The following SDK2 variants were observed in gnomAD, a reference collection of about 807,000 sequenced individuals.
SDK2 encodes the protein sidekick cell adhesion molecule 2, also known as protein sidekick-2.
In SDK2, 105 loss-of-function variants were observed where a neutral mutation model predicts 253.9. The observed-to-expected ratio is 0.41, with a 90% confidence interval of 0.35 to 0.49. The LOEUF (loss-of-function observed/expected upper bound fraction) is 0.49. SDK2 is among the 20% of genes least tolerant of loss of function. The pLI, the probability that SDK2 is intolerant of heterozygous loss-of-function variation, is 0.06. For synonymous variants in SDK2, 1,249 were observed against 1,234.9 expected, an observed-to-expected ratio of 1.01 and a Z score of -0.24; for missense variants, 2,608 against 3,003.0, an observed-to-expected ratio of 0.87 and a Z score of 3.07.
At position 73,395,919 on chromosome 17, in the gene SDK2, TTTC is replaced by T. The variant is rs141649010; in HGVS notation, c.3355-530_3355-528del. On this transcript the variant is annotated intron_variant, in intron 24 of 44. Coordinates refer to ENST00000392650, the MANE Select transcript of SDK2 (RefSeq NM_001144952.2). This position sits in a 1 kb window ranked among gnomAD's most constrained non-coding sequence, Gnocchi z 4.3. ...GCTGCATTTTCAGCCTCCTTTTTCT[TTTC>T]TTTTTTTTTTTTAAGACAGGGTCTG... 6.9e-3 allele frequency among the ~76,000 whole-genome samples: 1,041 copies of T among 151,150 alleles called. 9 individuals carry two copies. Among genetic ancestry groups the T allele is most frequent in the African/African-American group, 0.025 (998 of 40,658 alleles).
chr17:73,417,304 T>A (rs912361330), intron 16 of SDK2, among the ~76,000 whole-genome samples: 2 of 146,842 alleles, frequency 1.4e-5, no homozygotes, highest in African/African-American at 5.0e-5. Context: ...TACTCGGGAG[T>A]CTGAGGCAGG....
At chr17:73,402,241 G>A in intron 18 of SDK2, 100 bp from the exon 19 acceptor site, 1 of 1,287,474 alleles carries the variant, frequency 7.8e-7, no homozygotes, top group Non-Finnish European at 1.1e-6. Flanking sequence ...GGTGTCCGGG[G>A]ACCGGAGTCC....
At chr17:73,365,451 C>G in intron 37 of SDK2, 56 bp from the exon 38 acceptor site, 1 of 1,518,006 alleles carries the variant, frequency 6.6e-7, no homozygotes, top group African/African-American at 1.4e-5. Context: ...TTCAAAGCCT[C>G]GGGTTCAGCT....
At position 73,480,042 on chromosome 17, in the gene SDK2, T is replaced by C. The variant is rs954742126; in HGVS notation, c.225-7824A>G. Among the ~76,000 whole-genome samples, 9 of 152,302 alleles carry C rather than the reference T, an allele frequency of 5.9e-5. No individual in the cohort carries two copies. In the South Asian group the frequency reaches 1.0e-3, roughly 18 times the overall value. On this transcript the variant is annotated intron_variant, in intron 2 of 44. Coordinates refer to ENST00000392650, the MANE Select transcript of SDK2 (RefSeq NM_001144952.2). ...CCCAGGTATTAAGCCTAGTACCCAATAGTTATTTTTTTCTGCTCCTCTCCC... is the reference window on the plus strand; with the variant it reads ...CCCAGGTATTAAGCCTAGTACCCAACAGTTATTTTTTTCTGCTCCTCTCCC...
intron 44 of SDK2, 137 bp from the exon 45 acceptor site, chr17:73,339,077 C>A (rs1277159608): frequency 3.9e-6 from 3 of 762,424 alleles, no homozygotes; most frequent in South Asian, 1.6e-5. Flanking sequence ...GGCCTCCCAG[C>A]CCCCTCACTG....
At chr17:73,572,219 T>A (rs981248370) in intron 1 of SDK2, among the ~76,000 whole-genome samples, 3 of 152,170 alleles carry the variant, frequency 2.0e-5, no homozygotes, top group African/African-American at 4.8e-5. Context: ...GTGGTTGTCC[T>A]CATCTAAGTG....
chr17:73,512,252 C>G (rs1325673955), intron 1 of SDK2, among the ~76,000 whole-genome samples: 1 of 152,128 alleles, frequency 6.6e-6, no homozygotes, highest in Non-Finnish European at 1.5e-5. Context: ...GTGCTTAGAA[C>G]AGAGCCTGGC....
At chr17:73,355,174 A>ATATATTTTT in intron 40 of SDK2, among the ~76,000 whole-genome samples, 1 of 47,224 alleles carries the variant, frequency 2.1e-5, no homozygotes, top group African/African-American at 1.6e-4. Context: ...ATATATATAT[A>ATATATTTTT]TTTTTTTTTT....
intron 1 of SDK2, among the ~76,000 whole-genome samples, chr17:73,588,387 CAAAAAAAAAAA>C (rs1215654213): frequency 7.8e-4 from 46 of 59,026 alleles, no homozygotes; most frequent in Non-Finnish European, 1.3e-3. Context: ...AACTCCATCT[CAAAAAAAAAAA>C]AAAAAAAAAA....
chr17:73,387,803 C>G, intron 30 of SDK2, 33 bp downstream of exon 30: 1 of 1,509,770 alleles, frequency 6.6e-7, no homozygotes, highest in Non-Finnish European at 8.9e-7. Context: ...GGGAGAGGGG[C>G]AGTGGGGATG....
intron 37 of SDK2, 77 bp from the exon 38 acceptor site, chr17:73,365,472 A>G: frequency 6.9e-7 from 1 of 1,443,314 alleles, no homozygotes; most frequent in Non-Finnish European, 9.3e-7. Flanking sequence ...CCAAGGAGCT[A>G]GCGGGAGTAT....
At position 73,455,930 on chromosome 17, in the gene SDK2, C is replaced by T. The variant is rs2063522762; in HGVS notation, c.455G>A (p.Arg152His). 6 of 1,544,824 alleles carry T rather than the reference C, an allele frequency of 3.9e-6. No homozygotes were observed. Among genetic ancestry groups the T allele is most frequent in the African/African-American group, 1.4e-5 (1 of 72,934 alleles). ...CATGCGGCTGCTGGGCGGGATCTTG[C>T]GGCCGTCCCGGAACCAGGTCACCTG... ...QPQVTWFRDG[R>H]KIPPSSRIAI... Residue 152 changes from arginine (R) to histidine (H), a missense_variant, in exon 4 of 45, where the codon CGC (arginine) becomes CAC (histidine). By Grantham distance (29) the Arg-to-His change is conservative. Around this residue, in one of 2 missense-constraint regions of SDK2, gnomAD observed 1,505 missense variants for 1,859.1 expected, o/e 0.81. Coordinates refer to ENST00000392650, the MANE Select transcript of SDK2 (RefSeq NM_001144952.2). This position sits in a 1 kb window ranked among gnomAD's most constrained non-coding sequence, Gnocchi z 5.0.
intron 33 of SDK2, among the ~76,000 whole-genome samples, chr17:73,382,464 C>T (rs538736609): frequency 1.3e-5 from 2 of 152,250 alleles, no homozygotes; most frequent in Admixed American, 1.3e-4. Flanking sequence ...CACTTCAGAC[C>T]CAAACAAGCC....
intron 1 of SDK2, among the ~76,000 whole-genome samples, chr17:73,585,382 C>T (rs777907053): frequency 1.3e-5 from 2 of 152,242 alleles, no homozygotes; most frequent in Non-Finnish European, 2.9e-5. Context: ...GGAGCTCTTT[C>T]TGGGCCTCAG....
Position 73,435,202 on chromosome 17 carries a change from TG to T in SDK2, c.1195+247del, listed in dbSNP as rs1358325671. ...TTCTCAAAAAGCCGTGAACGCAACC[TG>T]GGCCCCAGGACATTGGAGAGAACTT... On this transcript the variant is annotated intron_variant, in intron 9 of 44. Coordinates refer to ENST00000392650, the MANE Select transcript of SDK2 (RefSeq NM_001144952.2). This position sits in a 1 kb window ranked among gnomAD's most constrained non-coding sequence, Gnocchi z 5.7. Among the ~76,000 whole-genome samples the T allele has an allele frequency of 6.6e-6, 1 of 152,220 alleles. No individual in the cohort carries two copies. The highest frequency in any genetic ancestry group is 2.4e-5 in the African/African-American group (1 of 41,460).
rs1188992629 is a variant in SDK2, at chr17:73,511,618, C to T, written c.65-4021G>A. ...CCTGGGCTGGGGGCTCCACATCCCT[C>T]GCCTCCTGTGGTCCTCACAAGGTTC... On this transcript the variant is annotated intron_variant, in intron 1 of 44. Coordinates refer to ENST00000392650, the MANE Select transcript of SDK2 (RefSeq NM_001144952.2). The surrounding 1 kb of genome is among the most constrained non-coding windows in gnomAD (Gnocchi z 4.9). Among the ~76,000 whole-genome samples the T allele has an allele frequency of 1.3e-5, 2 of 152,150 alleles. No homozygotes were observed. Among genetic ancestry groups the T allele is most frequent in the Non-Finnish European group, 2.9e-5 (2 of 68,006 alleles).
At chr17:73,531,953 G>A (rs890348591) in intron 1 of SDK2, among the ~76,000 whole-genome samples, 5 of 152,152 alleles carry the variant, frequency 3.3e-5, no homozygotes, top group Non-Finnish European at 7.3e-5. Context: ...AGTGGCTGAG[G>A]TGCCTGTACC....
Position 73,437,723 on chromosome 17 carries a change from G to A in SDK2, c.1000+16C>T, listed in dbSNP as rs776467864. 1.9e-5 allele frequency: 30 copies of A among 1,606,522 alleles called. No homozygotes were observed. The highest frequency in any genetic ancestry group is 4.5e-5 in the East Asian group (2 of 44,874). On this transcript the variant is annotated intron_variant, in intron 8 of 44. Coordinates refer to ENST00000392650, the MANE Select transcript of SDK2 (RefSeq NM_001144952.2). ...TCTGGGGTCTTTGTCCCCCTCCAGC[G>A]GTGCCACCTCATTACCTTTGGCCTG...
chr17:73,403,087 C>T (rs540537220), intron 18 of SDK2, among the ~76,000 whole-genome samples: 5 of 152,210 alleles, frequency 3.3e-5, no homozygotes, highest in Admixed American at 6.5e-5. Flanking sequence ...GCATGAGCCG[C>T]TGTGCCCAGC....
Sources: gnomAD v4.1 joint callset for allele counts (sites outside exome capture counted in the v4.1 genomes callset) on GRCh38, gnomAD v4.1.1 for gene constraint, gnomAD v4.1.1 regional missense constraint, Gnocchi (gnomAD v3.1) non-coding constraint, MANE v1.5 for transcripts, NCBI Gene and HGNC (gene_info 2026-07-23, HGNC 2026-07-21) for gene names.